The following GLI2 variants were observed in gnomAD, a reference collection of about 807,000 sequenced individuals.
GLI2 encodes the protein GLI family zinc finger 2, also known as transcription activator GLI2.
In GLI2, 22 loss-of-function variants were observed where a neutral mutation model predicts 78.9. The ratio of observed to expected loss-of-function variants is 0.28; its 90% CI spans 0.20 to 0.40. GLI2 has a LOEUF of 0.40. Ranked by LOEUF, GLI2 falls within the 10% of genes least tolerant of loss-of-function variation. GLI2 has a pLI of 1.00. For missense variants in GLI2, 2,097 were observed against 2,213.2 expected (o/e 0.95, Z 1.05); for synonymous variants, 974 against 963.7 (o/e 1.01, Z -0.20).
chr2:120,940,934 A>T (rs1680420587), intron 3 of GLI2, among the ~76,000 whole-genome samples: 1 of 152,206 alleles, frequency 6.6e-6, no homozygotes, highest in African/African-American at 2.4e-5. Context: ...AGCTCCCCAC[A>T]CCTGCTCCCT....
rs1682417123 is a variant in GLI2, at chr2:120,737,889, C to T, written c.-31+1604C>T. Among the ~76,000 whole-genome samples, 2 of 152,196 alleles carry T rather than the reference C, an allele frequency of 1.3e-5. No homozygotes were observed. The highest frequency in any genetic ancestry group is 2.9e-5 in the Non-Finnish European group (2 of 68,042). Reference sequence around the variant, plus strand: ...AATCCAAAATATACAGCGGGGAAAGCGGAGGAATAGGCGGGTTTGTCACAG... The same window carrying T: ...AATCCAAAATATACAGCGGGGAAAGTGGAGGAATAGGCGGGTTTGTCACAG... On this transcript the variant is annotated intron_variant, in intron 1 of 13. Coordinates refer to ENST00000361492, the MANE Select transcript of GLI2 (RefSeq NM_001374353.1). The surrounding 1 kb of genome is among the most constrained non-coding windows in gnomAD (Gnocchi z 4.3).
intron 5 of GLI2, among the ~76,000 whole-genome samples, chr2:120,955,844 G>C (rs1430534175): frequency 6.6e-6 from 1 of 152,112 alleles, no homozygotes; most frequent in African/African-American, 2.4e-5. Flanking sequence ...GTTGAAATCT[G>C]GGGGGCGAGT....
chr2:120,987,415 G>A (rs1223175548), intron 13 of GLI2, among the ~76,000 whole-genome samples: 4 of 152,160 alleles, frequency 2.6e-5, no homozygotes, highest in South Asian at 2.1e-4. Flanking sequence ...CAGCAGCCCC[G>A]CATGCAATGA....
chr2:120,956,297 C>T (rs1681258366), intron 5 of GLI2, among the ~76,000 whole-genome samples: 1 of 152,082 alleles, frequency 6.6e-6, no homozygotes, highest in Non-Finnish European at 1.5e-5. Flanking sequence ...GGAGTAGTAA[C>T]TGAGCTGGGA....
intron 3 of GLI2, among the ~76,000 whole-genome samples, chr2:120,933,840 A>AGCCCTGCCCTGCCCTGCCCTGCCCT (rs56996797): frequency 2.2e-5 from 3 of 137,790 alleles, no homozygotes; most frequent in East Asian, 2.2e-4. Flanking sequence ...GGACCTTTCC[A>AGCCCTGCCCTGCCCTGCCCTGCCCT]GCCCTGCCCT....
chr2:120,880,016 TA>T (rs2104706489), intron 2 of GLI2, among the ~76,000 whole-genome samples: 1 of 152,312 alleles, frequency 6.6e-6, no homozygotes, highest in South Asian at 2.1e-4. Flanking sequence ...AGGGTAGGAA[TA>T]AATCGGTGTG....
At chr2:120,828,377 C>T (rs765675886) in intron 2 of GLI2, among the ~76,000 whole-genome samples, 5 of 152,252 alleles carry the variant, frequency 3.3e-5, no homozygotes, top group Admixed American at 6.5e-5. Flanking sequence ...CCCAGACAGA[C>T]GCTGAGGGTG....
chr2:120,789,992 C>G (rs984052213), intron 1 of GLI2, among the ~76,000 whole-genome samples: 1 of 152,222 alleles, frequency 6.6e-6, no homozygotes, highest in Non-Finnish European at 1.5e-5. Context: ...TGTTGTCTTT[C>G]TCTAGTCATG....
chr2:120,752,959 C>T (rs1220920965), intron 1 of GLI2, among the ~76,000 whole-genome samples: 2 of 152,082 alleles, frequency 1.3e-5, no homozygotes, highest in African/African-American at 4.8e-5. Flanking sequence ...GAACATTTGC[C>T]ACTATAAACA....
At chr2:120,794,640 G>A (rs781332668) in intron 1 of GLI2, among the ~76,000 whole-genome samples, 22 of 152,206 alleles carry the variant, frequency 1.4e-4, no homozygotes, top group African/African-American at 4.3e-4. Flanking sequence ...TGTGTGTGGC[G>A]AGGAGAGGAG....
rs1359266268 is a variant in GLI2 at position 120,992,048 on chromosome 2, A to ACACC, written c.*1375_*1378dup. On this transcript the variant is annotated 3_prime_UTR_variant, in exon 14 of 14. Transcript: ENST00000361492. ...CACACACACACACACACACACACACACACCCCAAACCTTTTCATGGGGAAT... is the reference window on the plus strand; with the variant it reads ...CACACACACACACACACACACACACACACCCACCCCAAACCTTTTCATGGGGAAT... The ACACC allele has an allele frequency of 6.8e-6, 1 of 147,514 alleles. No individual in the cohort carries two copies. The highest frequency in any genetic ancestry group is 1.5e-5 in the Non-Finnish European group (1 of 67,486). 9.1% of individuals were successfully genotyped at this position (147,514 alleles called of 1,614,324 possible). A position where few individuals can be genotyped will look rare whatever the true frequency, so the allele number is the denominator to read the frequency against.
intron 1 of GLI2, among the ~76,000 whole-genome samples, chr2:120,774,630 C>A (rs1306349774): frequency 6.6e-6 from 1 of 152,158 alleles, no homozygotes; most frequent in Non-Finnish European, 1.5e-5. Flanking sequence ...TGAAATAAAA[C>A]CCCTGTTCTT....
At chr2:120,794,917 G>A (rs574313118) in intron 1 of GLI2, among the ~76,000 whole-genome samples, 25 of 152,286 alleles carry the variant, frequency 1.6e-4, no homozygotes, top group South Asian at 4.2e-4. Flanking sequence ...TCTGGGCAGG[G>A]AGTTTTGAAA....
At chr2:120,959,949 ACAT>A (rs371093783) in intron 5 of GLI2, among the ~76,000 whole-genome samples, 1 of 152,248 alleles carries the variant, frequency 6.6e-6, no homozygotes, top group East Asian at 1.9e-4. Context: ...GCCCCCATAC[ACAT>A]CATCTTGAGC....
chr2:120,966,490 C>T (rs1433822172), intron 5 of GLI2, among the ~76,000 whole-genome samples: 1 of 152,218 alleles, frequency 6.6e-6, no homozygotes. Flanking sequence ...TGGCCTCAGA[C>T]TCCCCTCATC....
At chr2:120,939,080 G>A (rs558245965) in intron 3 of GLI2, among the ~76,000 whole-genome samples, 11 of 152,294 alleles carry the variant, frequency 7.2e-5, no homozygotes, top group Admixed American at 2.6e-4. Flanking sequence ...TCGGAAGTTC[G>A]AGACCAGCCT....
At chr2:120,781,551 G>A (rs1281074809) in intron 1 of GLI2, among the ~76,000 whole-genome samples, 7 of 152,198 alleles carry the variant, frequency 4.6e-5, no homozygotes, top group Admixed American at 3.3e-4. Flanking sequence ...TTAATAAGTA[G>A]CATTTTAATG....
chr2:120,909,147 T>C (rs997607904), intron 2 of GLI2, among the ~76,000 whole-genome samples: 3 of 152,118 alleles, frequency 2.0e-5, no homozygotes, highest in Non-Finnish European at 2.9e-5. Context: ...TGGGAATAAA[T>C]GCACCCTCCG....
intron 1 of GLI2, among the ~76,000 whole-genome samples, chr2:120,795,541 A>G (rs1347153715): frequency 7.9e-5 from 12 of 151,572 alleles, no homozygotes; most frequent in Middle Eastern, 3.2e-3. Flanking sequence ...AAATGAAAAA[A>G]AAAAAAACAA....
Sources: gnomAD v4.1 joint callset for allele counts (sites outside exome capture counted in the v4.1 genomes callset) on GRCh38, gnomAD v4.1.1 for gene constraint, Gnocchi (gnomAD v3.1) non-coding constraint, MANE v1.5 for transcripts, NCBI Gene and HGNC (gene_info 2026-07-23, HGNC 2026-07-21) for gene names.